The following KCNT2 variants were observed in gnomAD, a reference collection of about 807,000 sequenced individuals.
KCNT2 encodes potassium channel subfamily T member 2.
Under a neutral mutation model 153.8 loss-of-function variants are expected in KCNT2, and 67 were observed. The ratio of observed to expected loss-of-function variants is 0.44; its 90% CI spans 0.36 to 0.53. The LOEUF is 0.53. KCNT2 is among the 20% of genes least tolerant of loss of function. The pLI, the probability that KCNT2 is intolerant of heterozygous loss-of-function variation, is 0.00. For missense variants in KCNT2, 975 were observed against 1,354.8 expected (o/e 0.72, Z 4.40); for synonymous variants, 500 against 458.8 (o/e 1.09, Z -1.15).
At chr1:196,567,447 TA>T (rs1479343509) in intron 1 of KCNT2, among the ~76,000 whole-genome samples, 1 of 152,178 alleles carries the variant, frequency 6.6e-6, no homozygotes, top group Non-Finnish European at 1.5e-5. Flanking sequence ...GTTGTCAGCA[TA>T]AATCTCGGAT....
chr1:196,281,293 A>G (rs975975613), intron 24 of KCNT2, among the ~76,000 whole-genome samples: 20 of 152,344 alleles, frequency 1.3e-4, no homozygotes, highest in African/African-American at 4.6e-4. Flanking sequence ...CGAGTACTCA[A>G]TTTAGGGCAG....
chr1:196,460,359 G>T (rs894050202), intron 8 of KCNT2, among the ~76,000 whole-genome samples: 3 of 151,696 alleles, frequency 2.0e-5, no homozygotes, highest in African/African-American at 7.3e-5. Flanking sequence ...TTTTAAAATA[G>T]TGTTCTTAAA....
chr1:196,567,892 C>G (rs890653300), intron 1 of KCNT2, among the ~76,000 whole-genome samples: 4 of 152,352 alleles, frequency 2.6e-5, no homozygotes, highest in African/African-American at 9.6e-5. Context: ...GGATAACACT[C>G]TGCCTTTAGC....
intron 1 of KCNT2, among the ~76,000 whole-genome samples, chr1:196,523,626 A>G (rs2148828198): frequency 6.6e-6 from 1 of 152,322 alleles, no homozygotes; most frequent in African/African-American, 2.4e-5. Flanking sequence ...AGAAAGAAAG[A>G]GAGTCTAGAC....
In KCNT2 at chr1:196,291,355, T is replaced by C. The variant is rs377498050; in HGVS notation, c.2596-5597A>G. The stretch of plus-strand genomic sequence containing the variant: ...TTTCCTTACAGAGAGGAAAAAAAGA[T>C]TTTTATGACACTATTTTCAAAACCT... On this transcript the variant is annotated intron_variant, in intron 22 of 27. Transcript: ENST00000294725. Among the ~76,000 whole-genome samples the C allele has an allele frequency of 3.9e-5, 6 of 151,942 alleles. No individual in the cohort carries two copies. The East Asian group carries it at 7.8e-4, about 20-fold the overall frequency.
chr1:196,470,888 T>C (rs1047911140), intron 5 of KCNT2, among the ~76,000 whole-genome samples: 22 of 139,966 alleles, frequency 1.6e-4, no homozygotes, highest in Non-Finnish European at 1.4e-4. Context: ...TTTTTTTTTT[T>C]TTTTTTTTTG....
chr1:196,593,712 G>T (rs1189746921), intron 1 of KCNT2, among the ~76,000 whole-genome samples: 1 of 151,588 alleles, frequency 6.6e-6, no homozygotes, highest in Non-Finnish European at 1.5e-5. Flanking sequence ...TTAAAAAACT[G>T]GTCACTCCAT....
chr1:196,296,055 A>G (rs1660650519), intron 22 of KCNT2, among the ~76,000 whole-genome samples: 1 of 151,984 alleles, frequency 6.6e-6, no homozygotes, highest in South Asian at 2.1e-4. Context: ...ATCAGTTATA[A>G]TCACATGAGC....
intron 20 of KCNT2, among the ~76,000 whole-genome samples, chr1:196,316,730 C>T (rs183877588): frequency 2.0e-5 from 3 of 151,296 alleles, no homozygotes; most frequent in Admixed American, 1.3e-4. Flanking sequence ...GTCTTCTTCC[C>T]TATCACTGAC....
intron 1 of KCNT2, among the ~76,000 whole-genome samples, chr1:196,553,784 G>A (rs1325428845): frequency 6.6e-6 from 1 of 150,832 alleles, no homozygotes; most frequent in African/African-American, 2.4e-5. Context: ...ATCACTCATT[G>A]AGTCTAACAA....
intron 1 of KCNT2, among the ~76,000 whole-genome samples, chr1:196,600,273 A>G (rs1664573396): frequency 6.6e-6 from 1 of 152,234 alleles, no homozygotes; most frequent in African/African-American, 2.4e-5. Flanking sequence ...GAGGTATGCA[A>G]TGAAATATCC....
intron 19 of KCNT2, among the ~76,000 whole-genome samples, chr1:196,321,874 T>G (rs1023633694): frequency 2.0e-5 from 3 of 152,040 alleles, no homozygotes; most frequent in Non-Finnish European, 2.9e-5. Flanking sequence ...AAATACATTG[T>G]CAACAGTGTT....
intron 7 of KCNT2, among the ~76,000 whole-genome samples, chr1:196,466,028 C>A (rs1486096833): frequency 6.6e-6 from 1 of 151,920 alleles, no homozygotes; most frequent in Admixed American, 6.6e-5. Flanking sequence ...ACCCTTTAGT[C>A]TCTAATGGCA....
chr1:196,391,714 T>TAAA (rs1208055087), intron 13 of KCNT2, among the ~76,000 whole-genome samples: 1 of 151,318 alleles, frequency 6.6e-6, no homozygotes, highest in East Asian at 1.9e-4. Flanking sequence ...CATTTAAAAA[T>TAAA]AATCAACACC....
Position 196,251,513 on chromosome 1 carries a change from C to T in KCNT2, c.3211+6681G>A, listed in dbSNP as rs559589820. On this transcript the variant is annotated intron_variant, in intron 26 of 27. Transcript: ENST00000294725. ...AATAAGCCAGGAACAGAAATAAAAA[C>T]TTCATATATTCTCATTTATTTGTGG... Among the ~76,000 whole-genome samples, 12 of 152,004 alleles carry T rather than the reference C, an allele frequency of 7.9e-5. No individual in the cohort carries two copies. The South Asian group carries it at 1.0e-3, about 13-fold the overall frequency.
chr1:196,561,452 G>A (rs1011877974), intron 1 of KCNT2, among the ~76,000 whole-genome samples: 1 of 150,920 alleles, frequency 6.6e-6, no homozygotes, highest in South Asian at 2.1e-4. Flanking sequence ...AGATCAATAG[G>A]ATCTGGTGGT....
At chr1:196,285,355 T>C (rs558774148) in intron 23 of KCNT2, among the ~76,000 whole-genome samples, 1 of 152,264 alleles carries the variant, frequency 6.6e-6, no homozygotes, top group East Asian at 1.9e-4. Context: ...TCCAGTAATA[T>C]GCTTGGAGTA....
At chr1:196,401,438 G>A (rs1468826166) in intron 12 of KCNT2, among the ~76,000 whole-genome samples, 1 of 151,616 alleles carries the variant, frequency 6.6e-6, no homozygotes, top group Non-Finnish European at 1.5e-5. Context: ...GCTGCTACTA[G>A]AACTATGATC....
chr1:196,262,546 T>C (rs190295045), intron 25 of KCNT2, among the ~76,000 whole-genome samples: 4 of 152,138 alleles, frequency 2.6e-5, no homozygotes, highest in African/African-American at 9.6e-5. Context: ...ATAAGAATAC[T>C]TGAGGGATCA....
Sources: gnomAD v4.1 joint callset for allele counts (sites outside exome capture counted in the v4.1 genomes callset) on GRCh38, gnomAD v4.1.1 for gene constraint, MANE v1.5 for transcripts, NCBI Gene and HGNC (gene_info 2026-07-23, HGNC 2026-07-21) for gene names.